UBE2E2: variants seen among roughly 807,000 people sequenced by gnomAD.
UBE2E2 encodes ubiquitin-conjugating enzyme E2 E2.
Under a neutral mutation model 24.7 loss-of-function variants are expected in UBE2E2, and 6 were observed. That is an observed-to-expected ratio of 0.24 (90% CI 0.13 to 0.48). The LOEUF is 0.48. Among genes scored for constraint, UBE2E2 ranks in the 20% least tolerant of loss-of-function variants. UBE2E2 has a pLI of 0.99. For synonymous variants in UBE2E2, 104 were observed against 83.6 expected (o/e 1.24, Z -1.33); for missense variants, 169 against 245.0 (o/e 0.69, Z 2.07).
intron 3 of UBE2E2, among the ~76,000 whole-genome samples, chr3:23,311,384 C>G (rs185898171): frequency 2.2e-3 from 334 of 152,200 alleles, no homozygotes; most frequent in Middle Eastern, 0.01. Flanking sequence ...GTAATATATA[C>G]CAGGTGTATA....
At chr3:23,489,329 C>G (rs1482005555) in intron 3 of UBE2E2, among the ~76,000 whole-genome samples, 1 of 151,944 alleles carries the variant, frequency 6.6e-6, no homozygotes, top group African/African-American at 2.4e-5. Context: ...TCTAGGTGGT[C>G]CCATCTGTGG....
At chr3:23,491,873 G>A (rs1241620986) in intron 3 of UBE2E2, among the ~76,000 whole-genome samples, 1 of 152,182 alleles carries the variant, frequency 6.6e-6, no homozygotes, top group Admixed American at 6.5e-5. Context: ...AATGAGAGCT[G>A]ATGCGGCCAA....
intron 3 of UBE2E2, among the ~76,000 whole-genome samples, chr3:23,245,308 CATT>C (rs757711681): frequency 4.9e-4 from 75 of 152,132 alleles, no homozygotes; most frequent in Non-Finnish European, 8.8e-4. Context: ...ATGTGGTAAA[CATT>C]ATGCTGAATA....
intron 3 of UBE2E2, among the ~76,000 whole-genome samples, chr3:23,246,427 G>A (rs2125341955): frequency 6.8e-6 from 1 of 147,156 alleles, no homozygotes; most frequent in African/African-American, 2.5e-5. Context: ...AGTAGACACG[G>A]GGTTTCAGTA....
At chr3:23,467,969 G>A (rs918813421) in intron 3 of UBE2E2, among the ~76,000 whole-genome samples, 2 of 152,128 alleles carry the variant, frequency 1.3e-5, no homozygotes, top group East Asian at 3.9e-4. Flanking sequence ...AGGACAGGAA[G>A]GGGGAAGTCT....
chr3:23,300,895 A>G (rs1052464360), intron 3 of UBE2E2, among the ~76,000 whole-genome samples: 1 of 152,036 alleles, frequency 6.6e-6, no homozygotes, highest in Non-Finnish European at 1.5e-5. Flanking sequence ...ACTTGGTTCC[A>G]TTCTCCCCGT....
chr3:23,360,808 G>T (rs990644689), intron 3 of UBE2E2, among the ~76,000 whole-genome samples: 1 of 151,882 alleles, frequency 6.6e-6, no homozygotes, highest in Non-Finnish European at 1.5e-5. Flanking sequence ...AGCTCCTCAA[G>T]AAATTTCTTT....
chr3:23,270,363 G>A (rs1365775696), intron 3 of UBE2E2, among the ~76,000 whole-genome samples: 1 of 152,060 alleles, frequency 6.6e-6, no homozygotes, highest in Non-Finnish European at 1.5e-5. Context: ...AAAGGGCTTG[G>A]CTGATCTTGT....
intron 3 of UBE2E2, among the ~76,000 whole-genome samples, chr3:23,287,460 C>T (rs1453283318): frequency 6.6e-6 from 1 of 152,098 alleles, no homozygotes; most frequent in Non-Finnish European, 1.5e-5. Context: ...GAAGTATTCC[C>T]TTCTCTTCTC....
intron 3 of UBE2E2, among the ~76,000 whole-genome samples, chr3:23,274,994 A>C (rs1449428942): frequency 3.3e-5 from 5 of 152,230 alleles, no homozygotes; most frequent in Admixed American, 1.3e-4. Flanking sequence ...GTAATCCTCA[A>C]AATAACTTTT....
At chr3:23,305,139 G>A (rs1699205775) in intron 3 of UBE2E2, among the ~76,000 whole-genome samples, 3 of 152,072 alleles carry the variant, frequency 2.0e-5, no homozygotes, top group South Asian at 2.1e-4. Flanking sequence ...TATCATTGGC[G>A]ACAAGTACTG....
chr3:23,349,600 G>A (rs988881932), intron 3 of UBE2E2, among the ~76,000 whole-genome samples: 1 of 152,236 alleles, frequency 6.6e-6, no homozygotes, highest in Non-Finnish European at 1.5e-5. Flanking sequence ...AAGGCTCGGA[G>A]GGTCCTACGC....
At position 23,495,496 on chromosome 3, in the gene UBE2E2, G is replaced by T. The variant is rs954779642; in HGVS notation, c.228-4112G>T. ...TCGTAGCTTGGTATTTACTAAATGT[G>T]TTTGTGTATGTTATTTCATAGCTGT... On this transcript the variant is annotated intron_variant, in intron 3 of 5. Coordinates refer to ENST00000396703, the MANE Select transcript of UBE2E2 (RefSeq NM_152653.4). 4.6e-5 allele frequency among the ~76,000 whole-genome samples: 7 copies of T among 152,082 alleles called. No individual in the cohort carries two copies. In the Middle Eastern group the frequency reaches 0.01, roughly 222 times the overall value.
chr3:23,573,067 G>A (rs973768333), intron 5 of UBE2E2, among the ~76,000 whole-genome samples: 1 of 152,128 alleles, frequency 6.6e-6, no homozygotes, highest in Non-Finnish European at 1.5e-5. Context: ...AATGAGGTAC[G>A]ATGAGGACTT....
chr3:23,535,804 G>A (rs946102244), intron 5 of UBE2E2, among the ~76,000 whole-genome samples: 4 of 151,912 alleles, frequency 2.6e-5, no homozygotes, highest in Admixed American at 1.3e-4. Context: ...TGTATTTTTA[G>A]TAGAGACAAG....
intron 3 of UBE2E2, among the ~76,000 whole-genome samples, chr3:23,395,629 A>G (rs1033129635): frequency 6.6e-6 from 1 of 152,182 alleles, no homozygotes; most frequent in Admixed American, 6.5e-5. Context: ...TTTGGAAGTC[A>G]TACCTCTTTT....
At chr3:23,204,546 G>T in intron 1 of UBE2E2, 1 of 267,728 alleles carries the variant, frequency 3.7e-6, no homozygotes, top group Non-Finnish European at 5.8e-6. Context: ...TGATAATTCA[G>T]TCTGGACTTT....
chr3:23,309,147 C>T (rs1699311215), intron 3 of UBE2E2, among the ~76,000 whole-genome samples: 1 of 152,208 alleles, frequency 6.6e-6, no homozygotes, highest in Non-Finnish European at 1.5e-5. Context: ...GTCTTCCTCT[C>T]TCAGTACACT....
chr3:23,350,113 C>T (rs962841890), intron 3 of UBE2E2, among the ~76,000 whole-genome samples: 9 of 152,206 alleles, frequency 5.9e-5, no homozygotes, highest in Admixed American at 2.6e-4. Flanking sequence ...ACTGCTGATA[C>T]CCAGGCAAAC....
Sources: allele counts gnomAD v4.1 joint callset (sites outside exome capture counted in the v4.1 genomes callset), GRCh38; gene constraint gnomAD v4.1.1; transcripts MANE v1.5; gene names NCBI Gene and HGNC (gene_info 2026-07-23, HGNC 2026-07-21).